The following NACC2 variants were observed in gnomAD, a reference collection of about 807,000 sequenced individuals.
The protein encoded by NACC2 is NACC family member 2.
NACC2 carries 8 observed loss-of-function variants against 25.1 expected under a neutral mutation model. The observed-to-expected ratio is 0.32, with a 90% confidence interval of 0.19 to 0.57. The LOEUF is 0.57. Among genes scored for constraint, NACC2 ranks in the 20% least tolerant of loss-of-function variants. The pLI is 0.89. For synonymous variants in NACC2, 435 were observed against 294.7 expected, an observed-to-expected ratio of 1.48 and a Z score of -4.88; for missense variants, 644 against 650.2, an observed-to-expected ratio of 0.99 and a Z score of 0.10.
At chr9:136,090,997 G>A (rs1194422283) in intron 1 of NACC2, among the ~76,000 whole-genome samples, 1 of 152,208 alleles carries the variant, frequency 6.6e-6, no homozygotes, top group Non-Finnish European at 1.5e-5. Flanking sequence ...GGCCGCCCAT[G>A]GCCCTGTGCC....
chr9:136,080,487 G>C (rs544572693), intron 1 of NACC2, among the ~76,000 whole-genome samples: 1 of 152,148 alleles, frequency 6.6e-6, no homozygotes, highest in South Asian at 2.1e-4. Context: ...CAGGAGAATT[G>C]CTTCAACCTG....
At chr9:136,069,962 A>G (rs558151634) in intron 1 of NACC2, among the ~76,000 whole-genome samples, 1 of 152,052 alleles carries the variant, frequency 6.6e-6, no homozygotes, top group East Asian at 1.9e-4. Context: ...TCTAACTGAC[A>G]TTACAGAACT....
chr9:136,050,047 A>AG lies in NACC2; in HGVS notation c.474dup (p.Tyr159LeufsTer18). On this transcript the variant is annotated frameshift_variant, in exon 2 of 6. Coordinates refer to ENST00000277554, the MANE Select transcript of NACC2 (RefSeq NM_144653.5). LOFTEE classifies it high-confidence loss of function. ...ATGGGCACCGAGGGGGACACGACGT[A>AG]GGGGGCCGCGGCGGCGGCGGCCGGC... 1 of 721,344 alleles carries AG rather than the reference A, an allele frequency of 1.4e-6. No individual in the cohort carries two copies. The highest frequency in any genetic ancestry group is 2.5e-6 in the Non-Finnish European group (1 of 395,734). 44.7% of individuals were successfully genotyped at this position (721,344 alleles called of 1,614,324 possible).
At chr9:136,045,588 G>A (rs1840710967) in intron 2 of NACC2, among the ~76,000 whole-genome samples, 1 of 152,190 alleles carries the variant, frequency 6.6e-6, no homozygotes. Flanking sequence ...CGCAGGTCCG[G>A]GCAGCCCCCT....
At chr9:136,033,894 GGTGTGTGTGTGTGTGTGTGTGTGTGT>G (rs57460855) in intron 2 of NACC2, among the ~76,000 whole-genome samples, 1 of 136,952 alleles carries the variant, frequency 7.3e-6, no homozygotes, top group Non-Finnish European at 1.6e-5. Flanking sequence ...AATTCCAGCA[GGTGTGTGTGTGTGTGTGTGTGTGTGT>G]GTGTGTGTGT....
intron 1 of NACC2, among the ~76,000 whole-genome samples, chr9:136,094,157 A>G (rs151227217): frequency 1.3e-5 from 2 of 152,350 alleles, no homozygotes; most frequent in Non-Finnish European, 2.9e-5. Context: ...AACGCGCAGC[A>G]GAGAACACAG....
rs1840916663 is a variant in NACC2 at position 136,055,866 on chromosome 9, T to C, written c.-59-5286A>G. On this transcript the variant is annotated intron_variant, in intron 1 of 5. Coordinates refer to ENST00000277554, the MANE Select transcript of NACC2 (RefSeq NM_144653.5). The surrounding 1 kb of genome is among the most constrained non-coding windows in gnomAD (Gnocchi z 4.9). ...TTAAGTGAGGACATCTCCTAAAAGG[T>C]CAATCGAAGGCGCTCCTGGAGCGTG... 6.6e-6 allele frequency among the ~76,000 whole-genome samples: 1 copy of C among 151,794 alleles called. No individual in the cohort carries two copies. The highest frequency in any genetic ancestry group is 2.4e-5 in the African/African-American group (1 of 41,278).
At chr9:136,038,739 T>C (rs1840590323) in intron 2 of NACC2, among the ~76,000 whole-genome samples, 1 of 152,168 alleles carries the variant, frequency 6.6e-6, no homozygotes, top group South Asian at 2.1e-4. Context: ...AACATGAGAA[T>C]ATACCATTTT....
intron 3 of NACC2, among the ~76,000 whole-genome samples, chr9:136,014,899 G>T (rs1371701358): frequency 6.6e-6 from 1 of 152,216 alleles, no homozygotes; most frequent in Non-Finnish European, 1.5e-5. Context: ...GCATGGACAA[G>T]CAGCAGGACT....
At chr9:136,068,279 C>A (rs1377015047) in intron 1 of NACC2, among the ~76,000 whole-genome samples, 2 of 152,078 alleles carry the variant, frequency 1.3e-5, no homozygotes, top group African/African-American at 4.8e-5. Flanking sequence ...GGGCAGATGA[C>A]CTGAGGTCAG....
chr9:136,095,128 T>G (rs1488631878), intron 1 of NACC2, 61 bp downstream of exon 1: 1 of 145,388 alleles, frequency 6.9e-6, no homozygotes, highest in Admixed American at 6.8e-5. Flanking sequence ...GCCCGGCCCG[T>G]GGGACGACCC....
intron 1 of NACC2, among the ~76,000 whole-genome samples, chr9:136,066,091 G>A (rs1841077186): frequency 6.6e-6 from 1 of 151,458 alleles, no homozygotes; most frequent in Non-Finnish European, 1.5e-5. Context: ...TACTCGGGAG[G>A]CTGAAACAGG....
At chr9:136,041,684 G>A (rs1840635188) in intron 2 of NACC2, among the ~76,000 whole-genome samples, 1 of 152,010 alleles carries the variant, frequency 6.6e-6, no homozygotes, top group African/African-American at 2.4e-5. Context: ...TTGTAGTGAT[G>A]GCCACACAGC....
At chr9:136,032,805 G>C (rs1280192865) in intron 2 of NACC2, among the ~76,000 whole-genome samples, 1 of 152,054 alleles carries the variant, frequency 6.6e-6, no homozygotes, top group Non-Finnish European at 1.5e-5. Context: ...GCTGAGGTGG[G>C]TGGATCACGA....
rs375507871 is a variant in NACC2 at position 136,011,720 on chromosome 9, G to A, written c.1560C>T (p.Ala520=). 161 of 1,517,174 alleles carry A rather than the reference G, an allele frequency of 1.1e-4. No individual in the cohort carries two copies. Among genetic ancestry groups the A allele is most frequent in the Non-Finnish European group, 8.9e-5 (101 of 1,133,736 alleles). 94.0% of individuals were successfully genotyped at this position (1,517,174 alleles called of 1,614,324 possible). ...CGGCGTCGAAGGCGGGGTTGGCGGC[G>A]GCACTCAGGTCAACATTCACGGCGT... ...RTDAVNVDLS[A]AANPAFDAGE... Residue 520 remains alanine, a synonymous_variant, in exon 6 of 6, where the codon GCC becomes GCT. Coordinates refer to ENST00000277554, the MANE Select transcript of NACC2 (RefSeq NM_144653.5).
intron 1 of NACC2, among the ~76,000 whole-genome samples, chr9:136,057,181 C>T (rs575566069): frequency 2.0e-5 from 3 of 152,318 alleles, no homozygotes; most frequent in African/African-American, 4.8e-5. Flanking sequence ...GTGACTGAGC[C>T]GAGCCCTGCG....
At chr9:136,036,095 C>CT (rs1840548113) in intron 2 of NACC2, among the ~76,000 whole-genome samples, 1 of 152,112 alleles carries the variant, frequency 6.6e-6, no homozygotes, top group African/African-American at 2.4e-5. Context: ...ACGTGTCTGA[C>CT]AAAGGATGCC....
intron 1 of NACC2, among the ~76,000 whole-genome samples, chr9:136,093,393 A>G (rs1830453231): frequency 6.6e-6 from 1 of 152,170 alleles, no homozygotes; most frequent in Non-Finnish European, 1.5e-5. Context: ...CCCTTCCAGC[A>G]GCCGGTGGTA....
chr9:136,020,524 AGC>A lies in NACC2; in HGVS notation c.887-4097_887-4096del. 6.6e-6 allele frequency among the ~76,000 whole-genome samples: 1 copy of A among 152,194 alleles called. No homozygotes were observed. ...GGCGAGTGGTAGGGCCGCCTGGTGG[AGC>A]CCAGCAGAGCCTCGGCGGGGGTAGG... On this transcript the variant is annotated intron_variant, in intron 2 of 5. Transcript: ENST00000277554. The surrounding 1 kb of genome is among the most constrained non-coding windows in gnomAD (Gnocchi z 4.7).
Sources: gnomAD v4.1 joint callset for allele counts (sites outside exome capture counted in the v4.1 genomes callset) on GRCh38, gnomAD v4.1.1 for gene constraint, Gnocchi (gnomAD v3.1) non-coding constraint, MANE v1.5 for transcripts, NCBI Gene and HGNC (gene_info 2026-07-23, HGNC 2026-07-21) for gene names.